The following PAPPA2 variants were observed in gnomAD, a reference collection of about 807,000 sequenced individuals.
The protein encoded by PAPPA2 is pappalysin 2.
Under a neutral mutation model 176.4 loss-of-function variants are expected in PAPPA2, and 86 were observed. The observed-to-expected ratio is 0.49, with a 90% CI of 0.41 to 0.58. The LOEUF (loss-of-function observed/expected upper bound fraction) is 0.58, where lower values mean the gene tolerates loss of function less well. Ranked by LOEUF, PAPPA2 falls within the 20% of genes least tolerant of loss-of-function variation. PAPPA2 has a pLI of 0.00. For missense variants in PAPPA2, 2,073 were observed against 2,256.9 expected, an observed-to-expected ratio of 0.92 and a Z score of 1.65; for synonymous variants, 809 against 852.2, an observed-to-expected ratio of 0.95 and a Z score of 0.88.
At chr1:176,726,122 A>AT (rs556967016) in intron 12 of PAPPA2, among the ~76,000 whole-genome samples, 151 of 152,184 alleles carry the variant, frequency 9.9e-4, no homozygotes, top group Middle Eastern at 6.8e-3. Context: ...GGAAACTTAT[A>AT]TTTTTTTCCT....
chr1:176,788,975 A>T (rs563844525), intron 17 of PAPPA2, among the ~76,000 whole-genome samples: 2 of 152,184 alleles, frequency 1.3e-5, no homozygotes, highest in Admixed American at 6.5e-5. Context: ...AACACTGTTG[A>T]TCCTCAAATC....
chr1:176,556,292 T>G lies in PAPPA2; in HGVS notation c.-31T>G, dbSNP rs776193921. 1 of 1,596,156 alleles carries G rather than the reference T, an allele frequency of 6.3e-7. No homozygotes were observed. ...TCTGGTGTGGTACCCAGAAGTTGAC[T>G]TCTGGTTCTGTAGAAAGAGCTAGGG... is the stretch of plus-strand genomic sequence containing the variant. On this transcript the variant is annotated 5_prime_UTR_variant, in exon 2 of 23. Coordinates refer to ENST00000367662, the MANE Select transcript of PAPPA2 (RefSeq NM_020318.3).
At chr1:176,700,877 TA>T (rs1370654614) in intron 8 of PAPPA2, among the ~76,000 whole-genome samples, 2 of 152,152 alleles carry the variant, frequency 1.3e-5, no homozygotes, top group African/African-American at 2.4e-5. Flanking sequence ...TGAGCTTCAT[TA>T]CATTTTTCTT....
At chr1:176,777,397 C>T (rs1571312398) in intron 17 of PAPPA2, among the ~76,000 whole-genome samples, 1 of 152,098 alleles carries the variant, frequency 6.6e-6, no homozygotes, top group Admixed American at 6.5e-5. Context: ...GTTTTCCATT[C>T]ACATTCAAGG....
chr1:176,697,979 A>G (rs1285908527), intron 7 of PAPPA2, among the ~76,000 whole-genome samples: 3 of 152,174 alleles, frequency 2.0e-5, no homozygotes, highest in South Asian at 2.1e-4. Context: ...AAAAACCATA[A>G]GATGTAACAC....
chr1:176,739,518 T>C, intron 12 of PAPPA2, 108 bp from the exon 13 acceptor site: 1 of 1,241,496 alleles, frequency 8.1e-7, no homozygotes, highest in South Asian at 1.8e-5. Flanking sequence ...AAATGGAAGC[T>C]CTTACTTTAT....
chr1:176,560,263 A>C (rs1262360130), intron 2 of PAPPA2, among the ~76,000 whole-genome samples: 2 of 152,210 alleles, frequency 1.3e-5, no homozygotes, highest in South Asian at 4.1e-4. Flanking sequence ...AAAATCAACT[A>C]AAGTTTCCCC....
intron 1 of PAPPA2, among the ~76,000 whole-genome samples, chr1:176,474,730 A>G (rs1054498334): frequency 6.6e-6 from 1 of 152,202 alleles, no homozygotes; most frequent in African/African-American, 2.4e-5. Context: ...AACTCTTTAA[A>G]TTTGTATAGT....
chr1:176,795,651 G>A (rs912279384), intron 20 of PAPPA2, among the ~76,000 whole-genome samples: 4 of 152,096 alleles, frequency 2.6e-5, no homozygotes, highest in African/African-American at 9.7e-5. Flanking sequence ...TCCTTCTGAA[G>A]TACAAAGACA....
Position 176,486,939 on chromosome 1 carries a change from T to TA in PAPPA2, c.-917+23532dup, listed in dbSNP as rs569800107. On this transcript the variant is annotated intron_variant, in intron 1 of 22. Transcript: ENST00000367662. ...TGTGAGAGGGGGAAGTGGGTGGATT[T>TA]AAAAAAAAAAAGGAAACAATTGAAG... Among the ~76,000 whole-genome samples, 89 of 141,136 alleles carry TA rather than the reference T, an allele frequency of 6.3e-4. No individual in the cohort carries two copies. In the South Asian group the frequency reaches 0.01, roughly 16 times the overall value. 92.6% of individuals were successfully genotyped at this position (141,136 alleles called of 152,430 possible).
At chr1:176,669,911 A>G (rs773056508) in intron 3 of PAPPA2, among the ~76,000 whole-genome samples, 2 of 152,144 alleles carry the variant, frequency 1.3e-5, no homozygotes, top group African/African-American at 4.8e-5. Context: ...CAGCTTGTCT[A>G]CTAGAATAGC....
rs376935397 is a variant in PAPPA2, at chr1:176,696,109, C to A, written c.2746+250C>A. On this transcript the variant is annotated intron_variant, in intron 7 of 22. Transcript: ENST00000367662. ...ATGGCTGTGGTAAAGCAGAGACCAG[C>A]ATATAGGACAGAAGGATGGAGAAGT... Among the ~76,000 whole-genome samples, 58 of 151,954 alleles carry A rather than the reference C, an allele frequency of 3.8e-4. No individual in the cohort carries two copies. In the East Asian group the frequency reaches 0.011, roughly 29 times the overall value.
rs116866912 is a variant in PAPPA2 at position 176,531,952 on chromosome 1, G to A, written c.-916-23455G>A. On this transcript the variant is annotated intron_variant, in intron 1 of 22. Coordinates refer to ENST00000367662, the MANE Select transcript of PAPPA2 (RefSeq NM_020318.3). ...TTCTTGGGAACTGGGCTTCCTAGAG[G>A]CCTCCTGTGTAAGGGCTGCCTGGGG... Among the ~76,000 whole-genome samples the A allele has an allele frequency of 6.6e-4, 100 of 152,270 alleles. 1 individual carries two copies. The East Asian group carries it at 0.017, about 26-fold the overall frequency.
intron 3 of PAPPA2, among the ~76,000 whole-genome samples, chr1:176,599,416 T>C (rs1453708307): frequency 6.6e-6 from 1 of 151,920 alleles, no homozygotes; most frequent in Non-Finnish European, 1.5e-5. Context: ...TTCTCTGTTC[T>C]CTTTGTTACC....
intron 12 of PAPPA2, among the ~76,000 whole-genome samples, chr1:176,724,055 C>T (rs1044092099): frequency 1.3e-5 from 2 of 152,142 alleles, no homozygotes; most frequent in African/African-American, 2.4e-5. Context: ...GATTCTAATC[C>T]CATGTTTATC....
intron 17 of PAPPA2, among the ~76,000 whole-genome samples, chr1:176,775,421 A>G (rs1664413612): frequency 6.6e-6 from 1 of 152,162 alleles, no homozygotes; most frequent in African/African-American, 2.4e-5. Context: ...AAACATATAT[A>G]AGTAATTTTT....
intron 6 of PAPPA2, among the ~76,000 whole-genome samples, chr1:176,695,483 T>C (rs1049621665): frequency 1.3e-5 from 2 of 152,178 alleles, no homozygotes; most frequent in Admixed American, 6.5e-5. Context: ...CCCACTTTCA[T>C]CTCCACAGGC....
chr1:176,696,319 G>A (rs1660380257), intron 7 of PAPPA2, among the ~76,000 whole-genome samples: 1 of 144,868 alleles, frequency 6.9e-6, no homozygotes, highest in African/African-American at 2.6e-5. Context: ...TGGGGGTGGG[G>A]GGACCGCAGA....
chr1:176,676,390 AT>A (rs1659297882), intron 4 of PAPPA2, among the ~76,000 whole-genome samples: 1 of 152,026 alleles, frequency 6.6e-6, no homozygotes, highest in Admixed American at 6.6e-5. Flanking sequence ...ACACAATGAA[AT>A]ACTACTCAAC....
Sources: gnomAD v4.1 joint callset for allele counts (sites outside exome capture counted in the v4.1 genomes callset) on GRCh38, gnomAD v4.1.1 for gene constraint, MANE v1.5 for transcripts, NCBI Gene and HGNC (gene_info 2026-07-23, HGNC 2026-07-21) for gene names.